ETV6: variants seen among roughly 807,000 people sequenced by gnomAD.
The protein encoded by ETV6 is transcription factor ETV6.
ETV6 carries 16 observed loss-of-function variants against 51.1 expected under a neutral mutation model. The ratio of observed to expected loss-of-function variants is 0.31; its 90% confidence interval spans 0.21 to 0.48. The LOEUF is 0.48. ETV6 is among the 20% of genes least tolerant of loss of function. ETV6 has a pLI of 0.99. For synonymous variants in ETV6, 240 were observed against 224.1 expected, an observed-to-expected ratio of 1.07 and a Z score of -0.64; for missense variants, 458 against 594.8, an observed-to-expected ratio of 0.77 and a Z score of 2.39.
chr12:11,731,843 T>C (rs1865605844), intron 1 of ETV6, among the ~76,000 whole-genome samples: 3 of 152,206 alleles, frequency 2.0e-5, no homozygotes, highest in Admixed American at 1.3e-4. Flanking sequence ...GCTAAATGCA[T>C]TTTGTCTGTC....
At chr12:11,775,864 GTTA>G (rs1945316393) in intron 2 of ETV6, among the ~76,000 whole-genome samples, 1 of 152,238 alleles carries the variant, frequency 6.6e-6, no homozygotes, top group Non-Finnish European at 1.5e-5. Flanking sequence ...ACGTCAATAT[GTTA>G]TTGATTGCTT....
At chr12:11,877,684 G>A (rs1947012426) in intron 5 of ETV6, among the ~76,000 whole-genome samples, 1 of 152,170 alleles carries the variant, frequency 6.6e-6, no homozygotes. Flanking sequence ...ACAGTCCTAG[G>A]GAAGCAGTGT....
intron 4 of ETV6, among the ~76,000 whole-genome samples, chr12:11,854,588 G>A (rs1193957293): frequency 6.6e-6 from 1 of 152,144 alleles, no homozygotes; most frequent in Non-Finnish European, 1.5e-5. Flanking sequence ...ACTCCAAATA[G>A]AATAAAATAA....
chr12:11,856,011 T>A (rs1179685256), intron 4 of ETV6, among the ~76,000 whole-genome samples: 1 of 152,066 alleles, frequency 6.6e-6, no homozygotes, highest in East Asian at 1.9e-4. Context: ...TCTCTCATTA[T>A]TTTTTTTGTT....
Position 11,883,276 on chromosome 12 carries a change from C to CTTCTTTTTT in ETV6, c.1010-1167_1010-1166insCTTTTTTTT, listed in dbSNP as rs776231778. ...GGGAAGGTGTACATCATGTCTTCTTCTTTTTTTTTTTTTTTTTTTTTTTTT... is the reference window on the plus strand; with the variant it reads ...GGGAAGGTGTACATCATGTCTTCTTCTTCTTTTTTTTTTTTTTTTTTTTTTTTTTTTTTT... On this transcript the variant is annotated intron_variant, in intron 5 of 7. Transcript: ENST00000396373. Among the ~76,000 whole-genome samples the CTTCTTTTTT allele has an allele frequency of 3.2e-4, 25 of 79,094 alleles. 2 individuals are homozygous for CTTCTTTTTT. The highest frequency in any genetic ancestry group is 1.8e-3 in the African/African-American group (25 of 13,536). The allele number at this position is 79,094 out of a possible 152,430, so 51.9% of individuals were successfully genotyped here.
intron 1 of ETV6, among the ~76,000 whole-genome samples, chr12:11,723,830 C>T (rs1261571937): frequency 2.0e-5 from 3 of 152,100 alleles, no homozygotes; most frequent in East Asian, 3.9e-4. Context: ...CTAGCTTCTA[C>T]CTGGACCACC....
At position 11,776,057 on chromosome 12, in the gene ETV6, G is replaced by A. The variant is rs575842563; in HGVS notation, c.163+23478G>A. ...CTTGATGGTGATTATTACCAGCCCCGGATTTGTAAGAGTCACCAGCAGTGG... is the reference window on the plus strand; with the variant it reads ...CTTGATGGTGATTATTACCAGCCCCAGATTTGTAAGAGTCACCAGCAGTGG... On this transcript the variant is annotated intron_variant, in intron 2 of 7. Transcript: ENST00000396373. 6.6e-5 allele frequency among the ~76,000 whole-genome samples: 10 copies of A among 152,244 alleles called. No individual in the cohort carries two copies. The South Asian group carries it at 8.3e-4, about 13-fold the overall frequency.
At chr12:11,855,285 G>A (rs1349432838) in intron 4 of ETV6, among the ~76,000 whole-genome samples, 7 of 152,014 alleles carry the variant, frequency 4.6e-5, no homozygotes, top group South Asian at 2.1e-4. Flanking sequence ...CAGCCTGGGC[G>A]ACAGAGCGAG....
intron 2 of ETV6, among the ~76,000 whole-genome samples, chr12:11,808,126 T>C (rs973178296): frequency 6.6e-6 from 1 of 152,350 alleles, no homozygotes; most frequent in African/African-American, 2.4e-5. Context: ...GCAAAGCTAA[T>C]TGTTCTCAAA....
chr12:11,760,204 T>C (rs181225239), intron 2 of ETV6, among the ~76,000 whole-genome samples: 79 of 152,322 alleles, frequency 5.2e-4, no homozygotes, highest in African/African-American at 1.9e-3. Context: ...GCCCCAATAT[T>C]TACTGCCTCC....
chr12:11,763,267 C>G (rs1008848927), intron 2 of ETV6, among the ~76,000 whole-genome samples: 1 of 152,198 alleles, frequency 6.6e-6, no homozygotes. Context: ...GTTCTCGTTC[C>G]CCTATTTACA....
chr12:11,682,680 G>C (rs1359491542), intron 1 of ETV6, among the ~76,000 whole-genome samples: 2 of 152,052 alleles, frequency 1.3e-5, no homozygotes, highest in Non-Finnish European at 2.9e-5. Flanking sequence ...TTTCTTCAAG[G>C]GTTTTTATGG....
chr12:11,895,233 T>G lies in ETV6; in HGVS notation c.*4187T>G. On this transcript the variant is annotated 3_prime_UTR_variant, in exon 8 of 8. Coordinates refer to ENST00000396373, the MANE Select transcript of ETV6 (RefSeq NM_001987.5). ...CCCTTTTTGTTTAGTTTCTAATCTC[T>G]TGTTTATGAGGTGTGGGGTTTATAA... 4.3e-6 allele frequency: 1 copy of G among 233,048 alleles called. No individual in the cohort carries two copies. The highest frequency in any genetic ancestry group is 8.5e-6 in the Non-Finnish European group (1 of 117,860). The allele number at this position is 233,048 out of a possible 1,614,324, so 14.4% of individuals were successfully genotyped here. A position where few individuals can be genotyped will look rare whatever the true frequency, so the allele number is the denominator to read the frequency against.
chr12:11,685,341 A>G (rs866548057), intron 1 of ETV6, among the ~76,000 whole-genome samples: 9 of 151,812 alleles, frequency 5.9e-5, no homozygotes, highest in Middle Eastern at 6.8e-3. Flanking sequence ...AAAAAAAGGA[A>G]AAAAAGAAAT....
At chr12:11,712,600 C>T in intron 1 of ETV6, among the ~76,000 whole-genome samples, 1 of 152,078 alleles carries the variant, frequency 6.6e-6, no homozygotes, top group African/African-American at 2.4e-5. Context: ...GGCTGGAGAC[C>T]CTGGGAAGAG....
Position 11,892,210 on chromosome 12 carries a change from A to AC in ETV6, c.*1164_*1165insC. The AC allele has an allele frequency of 6.5e-6, 1 of 152,830 alleles. No homozygotes were observed. Among genetic ancestry groups the AC allele is most frequent in the Non-Finnish European group, 1.1e-5 (1 of 87,302 alleles). 9.5% of individuals were successfully genotyped at this position (152,830 alleles called of 1,614,324 possible). A position where few individuals can be genotyped will look rare whatever the true frequency, so the allele number is the denominator to read the frequency against. ...GTGGTCAGTTTCATGCCCTCACCTG[A>AC]TTTTTTTTTTTTTTTTTTTTTTTCA... On this transcript the variant is annotated 3_prime_UTR_variant, in exon 8 of 8. Transcript: ENST00000396373.
chr12:11,714,536 T>A (rs1475818705), intron 1 of ETV6, among the ~76,000 whole-genome samples: 1 of 150,554 alleles, frequency 6.6e-6, no homozygotes, highest in Non-Finnish European at 1.5e-5. Context: ...ACCTACTACA[T>A]GCATGGCTTA....
intron 5 of ETV6, among the ~76,000 whole-genome samples, chr12:11,874,873 A>T (rs993941820): frequency 3.6e-5 from 5 of 140,686 alleles, no homozygotes; most frequent in African/African-American, 1.1e-4. Flanking sequence ...AGGAAGGGGA[A>T]CATCACACAC....
chr12:11,813,462 A>C (rs1353911255), intron 2 of ETV6, among the ~76,000 whole-genome samples: 2 of 152,214 alleles, frequency 1.3e-5, no homozygotes, highest in Non-Finnish European at 2.9e-5. Context: ...CTGAGGAAGT[A>C]AACTGACTTC....
Sources: gnomAD v4.1 joint callset for allele counts (sites outside exome capture counted in the v4.1 genomes callset) on GRCh38, gnomAD v4.1.1 for gene constraint, MANE v1.5 for transcripts, NCBI Gene and HGNC (gene_info 2026-07-23, HGNC 2026-07-21) for gene names.